The following SLC28A3 variants were observed in gnomAD, a reference collection of about 807,000 sequenced individuals.
SLC28A3 encodes the protein solute carrier family 28 member 3.
A neutral mutation model predicts 84.2 loss-of-function variants in SLC28A3; 68 were observed. The ratio of observed to expected loss-of-function variants is 0.81; its 90% CI spans 0.66 to 0.99. The LOEUF (loss-of-function observed/expected upper bound fraction) is 0.99, where lower values mean the gene tolerates loss of function less well. Ranked by LOEUF, SLC28A3 falls within the 50% of genes least tolerant of loss-of-function variation. The pLI is 0.00. For missense variants in SLC28A3, 712 were observed against 841.5 expected (o/e 0.85, Z 1.90); for synonymous variants, 267 against 303.6 (o/e 0.88, Z 1.25).
rs764058618 is a variant in SLC28A3, at chr9:84,299,642, G to A, written c.608C>T (p.Ser203Phe). 3.7e-6 allele frequency: 6 copies of A among 1,613,844 alleles called. No homozygotes were observed. Among genetic ancestry groups the A allele is most frequent in the South Asian group, 3.3e-5 (3 of 90,984 alleles). Reference protein sequence around the residue: ...TAKLGQQQLVSFGGLIMYIVL... With the variant: ...TAKLGQQQLVFFGGLIMYIVL... ...AATGTACATTATGAGCCCACCGAAG[G>A]ACACCAGCTGCTGTTGACCCAATTT... Residue 203 changes from serine to phenylalanine, a missense_variant, in exon 6 of 18, where the codon TCC (serine) becomes TTC (phenylalanine). Transcript: ENST00000376238.
At chr9:84,310,779 C>G (rs1326215542) in intron 2 of SLC28A3, among the ~76,000 whole-genome samples, 1 of 152,170 alleles carries the variant, frequency 6.6e-6, no homozygotes, top group Non-Finnish European at 1.5e-5. Flanking sequence ...GTCCAAGCTG[C>G]AGCTTCTGAG....
chr9:84,322,945 GA>G (rs1301121493), intron 1 of SLC28A3, among the ~76,000 whole-genome samples: 1 of 152,178 alleles, frequency 6.6e-6, no homozygotes, highest in Admixed American at 6.5e-5. Context: ...AATAACTTTG[GA>G]AAGTCCTTTG....
intron 2 of SLC28A3, among the ~76,000 whole-genome samples, chr9:84,311,956 C>T (rs1016091931): frequency 3.3e-5 from 5 of 152,220 alleles, no homozygotes; most frequent in African/African-American, 7.2e-5. Flanking sequence ...TCCAGAATGT[C>T]GTATAGTTGG....
At chr9:84,292,336 C>T (rs1417082528) in intron 10 of SLC28A3, among the ~76,000 whole-genome samples, 1 of 152,184 alleles carries the variant, frequency 6.6e-6, no homozygotes, top group African/African-American at 2.4e-5. Context: ...ATATGAGAAG[C>T]TCTATGTCTA....
intron 17 of SLC28A3, 73 bp from the exon 18 acceptor site, chr9:84,278,417 T>G: frequency 6.3e-7 from 1 of 1,579,726 alleles, no homozygotes; most frequent in Non-Finnish European, 8.6e-7. Flanking sequence ...GACAATGACA[T>G]TAAAAATAGT....
intron 1 of SLC28A3, among the ~76,000 whole-genome samples, chr9:84,332,592 G>T (rs117137028): frequency 0.024 from 3,652 of 152,240 alleles, 144 homozygotes; most frequent in East Asian, 0.1. Context: ...AATGAGAAGT[G>T]CTTGCCTCTG....
chr9:84,304,804 C>T (rs1825737319), intron 4 of SLC28A3, among the ~76,000 whole-genome samples: 1 of 152,154 alleles, frequency 6.6e-6, no homozygotes, highest in Non-Finnish European at 1.5e-5. Flanking sequence ...GGCAAATCAC[C>T]TGAGGTCAGG....
chr9:84,357,648 A>G, the SLC28A3 span, among the ~76,000 whole-genome samples: 1 of 152,186 alleles, frequency 6.6e-6, no homozygotes, highest in East Asian at 1.9e-4. Context: ...GGTGAGCCCC[A>G]GGCAGCACTG....
the SLC28A3 span, among the ~76,000 whole-genome samples, chr9:84,355,479 C>T: frequency 1.3e-5 from 2 of 152,130 alleles, no homozygotes; most frequent in African/African-American, 2.4e-5. Context: ...TCCAAATCAA[C>T]AATTTACTAT....
chr9:84,296,807 G>C (rs1564154425), intron 8 of SLC28A3, among the ~76,000 whole-genome samples: 1 of 152,204 alleles, frequency 6.6e-6, no homozygotes, highest in Admixed American at 6.5e-5. Flanking sequence ...GGGACTGAGG[G>C]GCTTTCGAAT....
chr9:84,337,431 C>CGTGTGTGTGTGTGTGTGTGT (rs1564181314), intron 1 of SLC28A3, among the ~76,000 whole-genome samples: 4 of 145,668 alleles, frequency 2.7e-5, no homozygotes, highest in African/African-American at 1.0e-4. Context: ...GGGATGCTAG[C>CGTGTGTGTGTGTGTGTGTGT]CTGTGTGTGT....
At chr9:84,348,075 TG>T in the SLC28A3 span, among the ~76,000 whole-genome samples, 1 of 152,120 alleles carries the variant, frequency 6.6e-6, no homozygotes, top group South Asian at 2.1e-4. Flanking sequence ...GGTTGGCACT[TG>T]AAAATAAATT....
chr9:84,322,153 A>G (rs1300197225), intron 1 of SLC28A3, among the ~76,000 whole-genome samples: 1 of 152,274 alleles, frequency 6.6e-6, no homozygotes, highest in African/African-American at 2.4e-5. Flanking sequence ...ATTTGGTCAG[A>G]GTGGTCATGA....
intron 10 of SLC28A3, among the ~76,000 whole-genome samples, chr9:84,291,993 G>C (rs1825242599): frequency 6.6e-6 from 1 of 152,150 alleles, no homozygotes; most frequent in South Asian, 2.1e-4. Flanking sequence ...TCCATGTGAT[G>C]GAACAGGGAG....
rs533106821 is a variant in SLC28A3 at position 84,298,207 on chromosome 9, C to T, written c.670-188G>A. 3.2e-4 allele frequency among the ~76,000 whole-genome samples: 48 copies of T among 152,298 alleles called. 1 individual carries two copies. Among genetic ancestry groups the T allele is most frequent in the African/African-American group, 1.1e-3 (46 of 41,550 alleles). On this transcript the variant is annotated intron_variant, in intron 6 of 17. Transcript: ENST00000376238. The stretch of plus-strand genomic sequence containing the variant: ...AGAACCATAACTTAAAAAACTCAGG[C>T]CAGGCGCAGTGGCTCATGCCTGTAA...
chr9:84,305,626 G>A (rs1021039193), intron 3 of SLC28A3, among the ~76,000 whole-genome samples: 1 of 152,126 alleles, frequency 6.6e-6, no homozygotes, highest in African/African-American at 2.4e-5. Flanking sequence ...CAGGGGAGAT[G>A]GATATCTAAC....
At chr9:84,342,902 G>A (rs1239883489), upstream of SLC28A3, among the ~76,000 whole-genome samples, 32 of 152,032 alleles carry the variant, frequency 2.1e-4, no homozygotes, top group Non-Finnish European at 8.8e-5. Context: ...AGTGGCTCCC[G>A]CCTATAATCC....
chr9:84,278,754 C>G (rs144229409), intron 17 of SLC28A3, among the ~76,000 whole-genome samples: 183 of 151,974 alleles, frequency 1.2e-3, no homozygotes, highest in African/African-American at 4.2e-3. Context: ...GGGGAGCCAG[C>G]AGAGGGTAGC....
At chr9:84,332,841 A>G (rs557908542) in intron 1 of SLC28A3, among the ~76,000 whole-genome samples, 26 of 152,322 alleles carry the variant, frequency 1.7e-4, no homozygotes, top group South Asian at 1.2e-3. Flanking sequence ...TTTTGTCCCA[A>G]TGTTTCCTAA....
Sources: allele counts gnomAD v4.1 joint callset (sites outside exome capture counted in the v4.1 genomes callset), GRCh38; gene constraint gnomAD v4.1.1; transcripts MANE v1.5; gene names NCBI Gene and HGNC (gene_info 2026-07-23, HGNC 2026-07-21).